PAAF1: variants seen among roughly 807,000 people sequenced by gnomAD.
PAAF1 encodes the protein proteasomal ATPase associated factor 1, also known as proteasomal ATPase-associated factor 1.
In PAAF1, 46 loss-of-function variants were observed where a neutral mutation model predicts 52.8. The ratio of observed to expected loss-of-function variants is 0.87; its 90% CI spans 0.69 to 1.11. PAAF1 has a LOEUF of 1.11. PAAF1 is among the 50% of genes most tolerant of loss of function. PAAF1 has a pLI of 0.00. For missense variants in PAAF1, 424 were observed against 477.4 expected, an observed-to-expected ratio of 0.89 and a Z score of 1.04; for synonymous variants, 178 against 172.8, an observed-to-expected ratio of 1.03 and a Z score of -0.24.
intron 8 of PAAF1, among the ~76,000 whole-genome samples, 159 bp downstream of exon 8, chr11:73,914,663 G>A (rs538828654): frequency 1.3e-5 from 2 of 151,482 alleles, no homozygotes; most frequent in East Asian, 1.9e-4. Flanking sequence ...AGAGTTGTGG[G>A]ATTTGGAATA....
upstream of PAAF1, chr11:73,876,855 G>C (rs1412509382): frequency 1.5e-6 from 1 of 659,846 alleles, no homozygotes; most frequent in Non-Finnish European, 2.3e-6. Context: ...TCAGGAACCA[G>C]CCCCTCGTGG....
At chr11:73,894,330 T>C (rs1481257434) in intron 4 of PAAF1, among the ~76,000 whole-genome samples, 1 of 152,124 alleles carries the variant, frequency 6.6e-6, no homozygotes, top group Non-Finnish European at 1.5e-5. Context: ...TAGTGAGACC[T>C]TGTCTCTACA....
In PAAF1 at chr11:73,924,653, T is replaced by G. The variant is rs796250321; in HGVS notation, c.1057T>G (p.Tyr353Asp). Reference protein sequence around the residue: ...SCFIVQQDLDYVTELTGADCD... With the variant: ...SCFIVQQDLDDVTELTGADCD... The stretch of plus-strand genomic sequence containing the variant: ...TTTTATTGTCCAGCAAGACTTAGAC[T>G]ATGTCACTGAGCTCACTGGGGCTGA... Residue 353 changes from tyrosine (Y) to aspartate (D), a missense_variant, in exon 11 of 12, where the codon TAT (tyrosine) becomes GAT (aspartate). Tyr to Asp is a radical substitution (Grantham distance 160). Coordinates refer to ENST00000310571, the MANE Select transcript of PAAF1 (RefSeq NM_025155.3). 1.2e-6 allele frequency: 2 copies of G among 1,614,120 alleles called. No homozygotes were observed. The highest frequency in any genetic ancestry group is 2.7e-5 in the African/African-American group (2 of 75,036).
At chr11:73,892,469 G>T (rs1027775378) in intron 4 of PAAF1, among the ~76,000 whole-genome samples, 3 of 152,030 alleles carry the variant, frequency 2.0e-5, no homozygotes, top group Non-Finnish European at 4.4e-5. Context: ...TAACTGTTAG[G>T]AACTTTTGTT....
chr11:73,893,674 T>G (rs1591061737), intron 4 of PAAF1, among the ~76,000 whole-genome samples: 1 of 143,086 alleles, frequency 7.0e-6, no homozygotes, highest in Non-Finnish European at 1.5e-5. Context: ...GAGGCAGAGG[T>G]TGCAGTGAGC....
intron 6 of PAAF1, among the ~76,000 whole-genome samples, chr11:73,908,255 A>ATGTATATATG (rs535428239): frequency 4.0e-4 from 59 of 147,166 alleles, no homozygotes; most frequent in African/African-American, 8.8e-4. Flanking sequence ...GTGTATATAT[A>ATGTATATATG]TGTATATATG....
At position 73,927,597 on chromosome 11, in the gene PAAF1, C is replaced by G. The variant is rs997546793; in HGVS notation, c.*235C>G. 2 of 576,670 alleles carry G rather than the reference C, an allele frequency of 3.5e-6. No homozygotes were observed. The highest frequency in any genetic ancestry group is 3.7e-5 in the African/African-American group (2 of 53,448). The allele number at this position is 576,670 out of a possible 1,614,324, so 35.7% of individuals were successfully genotyped here. On this transcript the variant is annotated 3_prime_UTR_variant, in exon 12 of 12. Coordinates refer to ENST00000310571, the MANE Select transcript of PAAF1 (RefSeq NM_025155.3). ...TTGTTCCAACTTCTCCTTGTATAAA[C>G]TCACCCCAGCAACACAGGGCAAGGA...
chr11:73,908,561 T>C (rs1042357493), intron 6 of PAAF1, among the ~76,000 whole-genome samples: 1 of 149,656 alleles, frequency 6.7e-6, no homozygotes, highest in Non-Finnish European at 1.5e-5. Flanking sequence ...CGAGCCACCA[T>C]ACCTAAATTA....
At chr11:73,894,634 TAAAA>T (rs74818755) in intron 4 of PAAF1, among the ~76,000 whole-genome samples, 3 of 147,970 alleles carry the variant, frequency 2.0e-5, no homozygotes, top group Non-Finnish European at 4.5e-5. Flanking sequence ...AGTATAATAA[TAAAA>T]AAAAATCTAC....
At chr11:73,900,505 C>T (rs1949567854) in intron 6 of PAAF1, 85 bp downstream of exon 6, 2 of 1,395,198 alleles carry the variant, frequency 1.4e-6, no homozygotes, top group Non-Finnish European at 1.9e-6. Flanking sequence ...CTAGTTTATT[C>T]ACAAATACAC....
At chr11:73,908,593 C>A (rs1184930819) in intron 6 of PAAF1, among the ~76,000 whole-genome samples, 1 of 151,312 alleles carries the variant, frequency 6.6e-6, no homozygotes, top group Non-Finnish European at 1.5e-5. Context: ...CAGACAGAGT[C>A]ATGCTGTGTC....
chr11:73,923,732 T>A (rs1177040935), intron 10 of PAAF1, among the ~76,000 whole-genome samples: 1 of 152,080 alleles, frequency 6.6e-6, no homozygotes, highest in Admixed American at 6.6e-5. Context: ...ACTTTTATAT[T>A]AACAAAAAGA....
intron 4 of PAAF1, among the ~76,000 whole-genome samples, chr11:73,897,236 AC>A (rs377632289): frequency 0.51 from 62,083 of 122,524 alleles, 16,504 homozygotes; most frequent in African/African-American, 0.73. Context: ...CGGGGGGCTG[AC>A]CCCCCCCACC....
intron 4 of PAAF1, among the ~76,000 whole-genome samples, chr11:73,895,068 A>G (rs1359094098): frequency 6.6e-6 from 1 of 152,190 alleles, no homozygotes; most frequent in East Asian, 1.9e-4. Context: ...CCATTTATTA[A>G]TCACCTACTA....
chr11:73,895,196 G>C (rs879778671), intron 4 of PAAF1, among the ~76,000 whole-genome samples: 3 of 152,232 alleles, frequency 2.0e-5, no homozygotes, highest in African/African-American at 4.8e-5. Context: ...TTAAGTATGA[G>C]AGAAAAGGAG....
In PAAF1 at chr11:73,883,387, AC is replaced by A. The variant is rs372830004; in HGVS notation, c.89-3961del. Among the ~76,000 whole-genome samples the A allele has an allele frequency of 4.7e-4, 71 of 151,266 alleles. 1 individual carries two copies. In the East Asian group the frequency reaches 0.011, roughly 24 times the overall value. On this transcript the variant is annotated intron_variant, in intron 2 of 11. Coordinates refer to ENST00000310571, the MANE Select transcript of PAAF1 (RefSeq NM_025155.3). Reference sequence around the variant, plus strand: ...CTATACCCATTAACAGTCACTTTCCACCCCCCAATCCTAGCAACCACTAGTT... The same window carrying A: ...CTATACCCATTAACAGTCACTTTCCACCCCCAATCCTAGCAACCACTAGTT...
chr11:73,922,756 G>A (rs1950255130), intron 10 of PAAF1, among the ~76,000 whole-genome samples: 1 of 150,034 alleles, frequency 6.7e-6, no homozygotes, highest in Admixed American at 6.7e-5. Flanking sequence ...AGTGGAGCTT[G>A]CAGTGAGCCG....
upstream of PAAF1, chr11:73,876,947 T>A: frequency 7.0e-7 from 1 of 1,420,774 alleles, no homozygotes; most frequent in Non-Finnish European, 9.3e-7. Flanking sequence ...CCCACCTCTG[T>A]CCTCGCCGCA....
In PAAF1 at chr11:73,889,240, C is replaced by T. The variant is rs557958962; in HGVS notation, c.192+1783C>T. 492 of 1,435,032 alleles carry T rather than the reference C, an allele frequency of 3.4e-4. 1 individual carries two copies. The highest frequency in any genetic ancestry group is 4.3e-4 in the Non-Finnish European group (471 of 1,090,290). The allele number at this position is 1,435,032 out of a possible 1,614,324, so 88.9% of individuals were successfully genotyped here. Reference sequence around the variant, plus strand: ...TTGCTGTGAACCTGCTGAGTGGGTTCAGACAGTAAGTGCTTATGGTTGAAC... The same window carrying T: ...TTGCTGTGAACCTGCTGAGTGGGTTTAGACAGTAAGTGCTTATGGTTGAAC... On this transcript the variant is annotated intron_variant, in intron 3 of 11. Transcript: ENST00000310571.
Sources: allele counts gnomAD v4.1 joint callset (sites outside exome capture counted in the v4.1 genomes callset), GRCh38; gene constraint gnomAD v4.1.1; transcripts MANE v1.5; gene names NCBI Gene and HGNC (gene_info 2026-07-23, HGNC 2026-07-21).